The following CENPP variants were observed in gnomAD, a reference collection of about 807,000 sequenced individuals.
CENPP encodes centromere protein P.
A neutral mutation model predicts 35.6 loss-of-function variants in CENPP; 24 were observed. The observed-to-expected ratio is 0.67, with a 90% CI of 0.49 to 0.95. The LOEUF (loss-of-function observed/expected upper bound fraction) is 0.95. Ranked by LOEUF, CENPP falls within the 40% of genes least tolerant of loss-of-function variation. The pLI is 0.00. For synonymous variants in CENPP, 120 were observed against 125.5 expected (o/e 0.96, Z 0.29); for missense variants, 332 against 345.3 (o/e 0.96, Z 0.31).
At chr9:92,428,295 T>G (rs1284709126) in intron 5 of CENPP, among the ~76,000 whole-genome samples, 1 of 152,170 alleles carries the variant, frequency 6.6e-6, no homozygotes, top group Admixed American at 6.5e-5. Context: ...TCCTTTAAAT[T>G]AGTACCTTCT....
Position 92,552,992 on chromosome 9 carries a change from A to G in CENPP, c.565-58322A>G, listed in dbSNP as rs747436670. On this transcript the variant is annotated intron_variant, in intron 5 of 7. Transcript: ENST00000375587. ...TATTATTTTTCTTTTTTTTAAGCCA[A>G]TGTCTAGAAGGGTTTTCCCAATGTT... Among the ~76,000 whole-genome samples the G allele has an allele frequency of 5.9e-4, 89 of 151,298 alleles. No individual in the cohort carries two copies. The Middle Eastern group carries it at 0.01, about 17-fold the overall frequency.
chr9:92,603,461 C>T (rs1246268432), intron 5 of CENPP, among the ~76,000 whole-genome samples: 2 of 152,146 alleles, frequency 1.3e-5, no homozygotes, highest in Non-Finnish European at 2.9e-5. Context: ...AAGTCTTGTG[C>T]GTGGAGAGCA....
intron 5 of CENPP, chr9:92,392,969 A>T: frequency 1.4e-6 from 1 of 704,432 alleles, no homozygotes; most frequent in Non-Finnish European, 2.3e-6. Context: ...TTAGATATTT[A>T]TGTACTTCAA....
At chr9:92,408,661 TC>T (rs904582668) in intron 5 of CENPP, among the ~76,000 whole-genome samples, 3 of 152,134 alleles carry the variant, frequency 2.0e-5, no homozygotes, top group African/African-American at 7.2e-5. Context: ...GTGGGGGCTG[TC>T]CTGTGTGCAC....
rs185638922 is a variant in CENPP at position 92,376,083 on chromosome 9, G to T, written c.468-3680G>T. Among the ~76,000 whole-genome samples the T allele has an allele frequency of 4.8e-3, 730 of 152,258 alleles. 2 individuals carry two copies. The highest frequency in any genetic ancestry group is 6.8e-3 in the Middle Eastern group (2 of 294). Reference sequence around the variant, plus strand: ...CAACCCTGCCTTAGTCCTGTCCTTAGCCTAGAGATTAGCCAGAGGTTGAAG... The same window carrying T: ...CAACCCTGCCTTAGTCCTGTCCTTATCCTAGAGATTAGCCAGAGGTTGAAG... On this transcript the variant is annotated intron_variant, in intron 4 of 7. Coordinates refer to ENST00000375587, the MANE Select transcript of CENPP (RefSeq NM_001012267.3).
chr9:92,573,595 C>T (rs894401971), intron 5 of CENPP, among the ~76,000 whole-genome samples: 6 of 152,192 alleles, frequency 3.9e-5, no homozygotes, highest in South Asian at 2.1e-4. Context: ...TCTCAAACTC[C>T]GTGCTGGGGG....
Position 92,465,165 on chromosome 9 carries a change from A to G in CENPP, c.564+85306A>G, listed in dbSNP as rs1261018387. 6 of 657,828 alleles carry G rather than the reference A, an allele frequency of 9.1e-6. No homozygotes were observed. The Admixed American group carries it at 1.3e-4, about 15-fold the overall frequency. The allele number at this position is 657,828 out of a possible 1,614,324, so 40.7% of individuals were successfully genotyped here. On this transcript the variant is annotated intron_variant, in intron 5 of 7. Transcript: ENST00000375587. Reference sequence around the variant, plus strand: ...TCCTTTAGGCTCATTTTCACTCGGTATATCTGCTTCTGTCTATCTACTGTC... The same window carrying G: ...TCCTTTAGGCTCATTTTCACTCGGTGTATCTGCTTCTGTCTATCTACTGTC...
intron 4 of CENPP, 151 bp from the exon 5 acceptor site, chr9:92,379,612 A>AAC: frequency 1.7e-5 from 10 of 571,716 alleles, no homozygotes; most frequent in South Asian, 1.2e-4. Flanking sequence ...ATACCAGAGG[A>AAC]ACACACACAC....
chr9:92,459,926 T>C (rs1360268897), intron 5 of CENPP, among the ~76,000 whole-genome samples: 1 of 152,242 alleles, frequency 6.6e-6, no homozygotes, highest in Admixed American at 6.5e-5. Context: ...TACTTCAGTA[T>C]GTAACAACTA....
At chr9:92,406,202 G>T (rs1843301323) in intron 5 of CENPP, among the ~76,000 whole-genome samples, 1 of 152,180 alleles carries the variant, frequency 6.6e-6, no homozygotes, top group African/African-American at 2.4e-5. Flanking sequence ...AGATCATTCA[G>T]AAAATTTATA....
At chr9:92,554,503 TGTG>T (rs1849679388) in intron 5 of CENPP, among the ~76,000 whole-genome samples, 1 of 152,050 alleles carries the variant, frequency 6.6e-6, no homozygotes. Context: ...ATTCTGCTTA[TGTG>T]GTGTATCACG....
At position 92,337,537 on chromosome 9, in the gene CENPP, A is replaced by G. The variant is rs1163295218; in HGVS notation, c.290-4A>G. 5.9e-6 allele frequency: 9 copies of G among 1,538,336 alleles called. No individual in the cohort carries two copies. The highest frequency in any genetic ancestry group is 1.1e-5 in the South Asian group (1 of 88,954). On this transcript the variant is annotated splice_region_variant and splice_polypyrimidine_tract_variant and intron_variant, in intron 2 of 7. Coordinates refer to ENST00000375587, the MANE Select transcript of CENPP (RefSeq NM_001012267.3). ...AACAAAATATTTGTTTTTCTGCTTT[A>G]CAGGTATTAGAAAAGTTCTACAGAG...
intron 5 of CENPP, among the ~76,000 whole-genome samples, chr9:92,464,368 C>A (rs1845226095): frequency 6.6e-6 from 1 of 152,208 alleles, no homozygotes. Flanking sequence ...CAGGTGGTCA[C>A]TTCCTACGTG....
Position 92,617,994 on chromosome 9 carries a change from A to C in CENPP, c.*4845A>C, listed in dbSNP as rs560762502. ...AGCTGCAAATTAGTCTAGGGATCTA[A>C]ATTTAGTCTCAGGTCTACCAGGTAT... On this transcript the variant is annotated 3_prime_UTR_variant, in exon 8 of 8. Transcript: ENST00000375587. 8.2e-5 allele frequency: 28 copies of C among 342,358 alleles called. No homozygotes were observed. The East Asian group carries it at 2.1e-3, about 26-fold the overall frequency. The allele number at this position is 342,358 out of a possible 1,614,324, so 21.2% of individuals were successfully genotyped here. A position where few individuals can be genotyped will look rare whatever the true frequency, so the allele number is the denominator to read the frequency against.
chr9:92,604,466 G>A (rs1211750770), intron 5 of CENPP, among the ~76,000 whole-genome samples: 4 of 152,158 alleles, frequency 2.6e-5, no homozygotes, highest in Non-Finnish European at 5.9e-5. Context: ...CTCAGTCTGA[G>A]GTTGGCCTTT....
chr9:92,524,448 A>G (rs1324101367), intron 5 of CENPP, among the ~76,000 whole-genome samples: 2 of 152,332 alleles, frequency 1.3e-5, no homozygotes, highest in East Asian at 1.9e-4. Flanking sequence ...ACCTCCATCA[A>G]GGTGTTGCAG....
At chr9:92,390,039 C>G in intron 5 of CENPP, 1 of 1,597,792 alleles carries the variant, frequency 6.3e-7, no homozygotes, top group African/African-American at 1.3e-5. Flanking sequence ...CCTGTAAAAT[C>G]GAGTCTTCTT....
intron 5 of CENPP, among the ~76,000 whole-genome samples, chr9:92,410,189 G>A (rs566505741): frequency 6.6e-6 from 1 of 152,224 alleles, no homozygotes; most frequent in South Asian, 2.1e-4. Context: ...ACCCACCTCG[G>A]CCTCCTGAAG....
chr9:92,426,075 G>T lies in CENPP; in HGVS notation c.564+46216G>T, dbSNP rs563953942. Among the ~76,000 whole-genome samples the T allele has an allele frequency of 5.4e-4, 82 of 152,230 alleles. 1 individual carries two copies. The South Asian group carries it at 0.017, about 31-fold the overall frequency. ...AGAGCAGACAGAATAAAAATGTCTAGAAAATTTAAACTGATTGGCAGTGTC... is the reference window on the plus strand; with the variant it reads ...AGAGCAGACAGAATAAAAATGTCTATAAAATTTAAACTGATTGGCAGTGTC... On this transcript the variant is annotated intron_variant, in intron 5 of 7. Transcript: ENST00000375587.
Sources: gnomAD v4.1 joint callset for allele counts (sites outside exome capture counted in the v4.1 genomes callset) on GRCh38, gnomAD v4.1.1 for gene constraint, MANE v1.5 for transcripts, NCBI Gene and HGNC (gene_info 2026-07-23, HGNC 2026-07-21) for gene names.